TRAF3IP2: variants seen among roughly 807,000 people sequenced by gnomAD.
TRAF3IP2 encodes the protein E3 ubiquitin ligase TRAF3IP2.
A neutral mutation model predicts 57.9 loss-of-function variants in TRAF3IP2; 35 were observed. The observed-to-expected ratio is 0.60, with a 90% CI of 0.46 to 0.80. The LOEUF is 0.80. Ranked by LOEUF, TRAF3IP2 falls within the 30% of genes least tolerant of loss-of-function variation. The pLI, the probability that TRAF3IP2 is intolerant of heterozygous loss-of-function variation, is 0.00. For missense variants in TRAF3IP2, 556 were observed against 706.4 expected, an observed-to-expected ratio of 0.79 and a Z score of 2.41; for synonymous variants, 251 against 268.9, an observed-to-expected ratio of 0.93 and a Z score of 0.65.
At chr6:111,568,690 G>A (rs1043706270) in intron 5 of TRAF3IP2, among the ~76,000 whole-genome samples, 1 of 152,146 alleles carries the variant, frequency 6.6e-6, no homozygotes, top group Non-Finnish European at 1.5e-5. Context: ...GCCGTGGCAG[G>A]CAGATCACTT....
intron 7 of TRAF3IP2, chr6:111,565,151 CGTG>C (rs1795590507): frequency 6.6e-6 from 1 of 152,226 alleles, no homozygotes; most frequent in Non-Finnish European, 1.5e-5. Context: ...TGTGAGCTCA[CGTG>C]AGTGGTCTGC....
chr6:111,603,743 C>T (rs1583252158), intron 1 of TRAF3IP2, among the ~76,000 whole-genome samples: 1 of 152,264 alleles, frequency 6.6e-6, no homozygotes, highest in East Asian at 1.9e-4. Context: ...CCTGTCTCTA[C>T]ACCTTCCAAA....
At chr6:111,563,355 C>G (rs1377806612) in intron 7 of TRAF3IP2, among the ~76,000 whole-genome samples, 2 of 152,130 alleles carry the variant, frequency 1.3e-5, no homozygotes, top group African/African-American at 4.8e-5. Context: ...ATTCTGTGTT[C>G]AGTGACTTCA....
At chr6:111,574,517 A>G (rs963434900) in intron 4 of TRAF3IP2, 1 of 152,234 alleles carries the variant, frequency 6.6e-6, no homozygotes, top group Non-Finnish European at 1.5e-5. Flanking sequence ...CCTTACGCTT[A>G]GTTGAATGTT....
At chr6:111,559,608 A>G in intron 8 of TRAF3IP2, 57 bp from the exon 9 acceptor site, 1 of 1,583,670 alleles carries the variant, frequency 6.3e-7, no homozygotes, top group Non-Finnish European at 8.6e-7. Flanking sequence ...TGGATGCCAG[A>G]TCCCAGGCTC....
At chr6:111,583,817 T>C (rs1465890024) in intron 2 of TRAF3IP2, among the ~76,000 whole-genome samples, 1 of 152,174 alleles carries the variant, frequency 6.6e-6, no homozygotes, top group Non-Finnish European at 1.5e-5. Flanking sequence ...GCCAAAAAAG[T>C]TGGGGACCAC....
intron 8 of TRAF3IP2, among the ~76,000 whole-genome samples, chr6:111,561,532 G>A (rs1340829255): frequency 6.6e-6 from 1 of 152,052 alleles, no homozygotes; most frequent in African/African-American, 2.4e-5. Flanking sequence ...GTTAGGGAAG[G>A]GCATTGCAAG....
chr6:111,568,432 AGTGTGTGT>A (rs58088162), intron 5 of TRAF3IP2, among the ~76,000 whole-genome samples: 1,470 of 146,688 alleles, frequency 0.01, 11 homozygotes, highest in Middle Eastern at 0.018. Context: ...TATACTGCAG[AGTGTGTGT>A]GTGTGTGTGT....
Position 111,575,794 on chromosome 6 carries a change from ATTAGG to A in TRAF3IP2, c.1045_1049del (p.Pro349Ter). 1 of 1,609,940 alleles carries A rather than the reference ATTAGG, an allele frequency of 6.2e-7. No individual in the cohort carries two copies. Among genetic ancestry groups the A allele is most frequent in the Non-Finnish European group, 8.5e-7 (1 of 1,178,734 alleles). ...AGGACTCCCCAGGAGCACCAGCTCT[ATTAGG>A]TGGCTGGTGATGTGGCTGGTCCCTA... On this transcript the variant is annotated frameshift_variant, in exon 4 of 9. Transcript: ENST00000368761. LOFTEE classifies it high-confidence loss of function.
chr6:111,582,420 A>G (rs903963964), intron 2 of TRAF3IP2, among the ~76,000 whole-genome samples: 1 of 152,158 alleles, frequency 6.6e-6, no homozygotes, highest in Non-Finnish European at 1.5e-5. Flanking sequence ...GCCTAGATCT[A>G]TCCCTGCACC....
At chr6:111,586,920 A>C (rs1300020738) in intron 2 of TRAF3IP2, 2 of 152,222 alleles carry the variant, frequency 1.3e-5, no homozygotes, top group African/African-American at 4.8e-5. Context: ...AAAAGCTGTT[A>C]GTATTGAGGG....
chr6:111,585,880 T>C (rs1203729965), intron 2 of TRAF3IP2, among the ~76,000 whole-genome samples: 2 of 152,234 alleles, frequency 1.3e-5, no homozygotes, highest in Non-Finnish European at 2.9e-5. Flanking sequence ...TGTGATCTTC[T>C]TGGCCTGAGT....
Position 111,566,437 on chromosome 6 carries a change from C to G in TRAF3IP2, c.1476+7G>C. 6.2e-7 allele frequency: 1 copy of G among 1,607,844 alleles called. No individual in the cohort carries two copies. ...CAGTGAGGTGTTGTGATCCCCTCCCCACTCACCATTCGATGAATGTACTTA... is the reference window on the plus strand; with the variant it reads ...CAGTGAGGTGTTGTGATCCCCTCCCGACTCACCATTCGATGAATGTACTTA... On this transcript the variant is annotated splice_region_variant and intron_variant, in intron 7 of 8. Transcript: ENST00000368761.
At position 111,580,406 on chromosome 6, in the gene TRAF3IP2, C is replaced by T. The variant is rs1796118987; in HGVS notation, c.830-17G>A. On this transcript the variant is annotated splice_polypyrimidine_tract_variant and intron_variant, in intron 2 of 8. Transcript: ENST00000368761. The stretch of plus-strand genomic sequence containing the variant: ...CATGGCCATCTGTAGGTGAAGACAA[C>T]AAAGACAACAGGGAACATCAACTCT... 7 of 1,527,958 alleles carry T rather than the reference C, an allele frequency of 4.6e-6. No individual in the cohort carries two copies. The South Asian group carries it at 9.2e-5, about 20-fold the overall frequency. The allele number at this position is 1,527,958 out of a possible 1,614,324, so 94.7% of individuals were successfully genotyped here.
chr6:111,595,598 G>A (rs944790402), intron 1 of TRAF3IP2, among the ~76,000 whole-genome samples: 1 of 152,146 alleles, frequency 6.6e-6, no homozygotes, highest in Non-Finnish European at 1.5e-5. Context: ...GGGAGGCCAA[G>A]GCGGGCAGAT....
In TRAF3IP2 at chr6:111,555,841, T is replaced by C. The variant is rs185339622; in HGVS notation, c.*3564A>G. Among the ~76,000 whole-genome samples, 26 of 152,302 alleles carry C rather than the reference T, an allele frequency of 1.7e-4. No individual in the cohort carries two copies. The highest frequency in any genetic ancestry group is 3.9e-4 in the East Asian group (2 of 5,178). ...TTGATGGGCCGGGCGTGGTGGCTCA[T>C]GCCTGTAATCCCAGCAATTTGGGAG... On this transcript the variant is annotated 3_prime_UTR_variant, in exon 9 of 9. Coordinates refer to ENST00000368761, the MANE Select transcript of TRAF3IP2 (RefSeq NM_147686.4).
At position 111,575,802 on chromosome 6, in the gene TRAF3IP2, G is replaced by A. The variant is rs1322344105; in HGVS notation, c.1042C>T (p.Pro348Ser). The change falls in exon 4 of 9, where the codon CCA (proline) becomes TCA (serine). Residue 348 changes from proline to serine, a missense_variant. Pro to Ser is a moderately conservative substitution (Grantham distance 74, BLOSUM62 -1). This residue lies in a region of TRAF3IP2 where 428 missense variants were observed against 498.7 expected (regional missense o/e 0.86). Coordinates refer to ENST00000368761, the MANE Select transcript of TRAF3IP2 (RefSeq NM_147686.4). Reference protein sequence around the residue: ...PRHQDQPHHQPPNRAGAPGES... With the variant: ...PRHQDQPHHQSPNRAGAPGES... ...CCAGGAGCACCAGCTCTATTAGGTG[G>A]CTGGTGATGTGGCTGGTCCCTAGAA... The A allele has an allele frequency of 6.2e-7, 1 of 1,609,794 alleles. No individual in the cohort carries two copies. Among genetic ancestry groups the A allele is most frequent in the African/African-American group, 1.3e-5 (1 of 74,690 alleles).
rs73764478 is a variant in TRAF3IP2, at chr6:111,602,892, C to T, written c.-9+2884G>A. Among the ~76,000 whole-genome samples the T allele has an allele frequency of 9.2e-3, 1,398 of 152,150 alleles. 20 individuals carry two copies. Among genetic ancestry groups the T allele is most frequent in the African/African-American group, 0.032 (1,315 of 41,510 alleles). On this transcript the variant is annotated intron_variant, in intron 1 of 8. Transcript: ENST00000368761. Reference sequence around the variant, plus strand: ...TCTGTGGGGTGCGGCCTGTGGGGTGCGAGGAGAGGGGCACAGGCTGGGAGC... The same window carrying T: ...TCTGTGGGGTGCGGCCTGTGGGGTGTGAGGAGAGGGGCACAGGCTGGGAGC...
chr6:111,570,626 G>A (rs1422400148), intron 5 of TRAF3IP2, among the ~76,000 whole-genome samples: 2 of 152,230 alleles, frequency 1.3e-5, no homozygotes, highest in African/African-American at 4.8e-5. Context: ...GCCCCTGGTT[G>A]TGAAGATAAA....
Sources: gnomAD v4.1 joint callset for allele counts (sites outside exome capture counted in the v4.1 genomes callset) on GRCh38, gnomAD v4.1.1 for gene constraint, gnomAD v4.1.1 regional missense constraint, MANE v1.5 for transcripts, NCBI Gene and HGNC (gene_info 2026-07-23, HGNC 2026-07-21) for gene names.